The following RAB9B variants were observed in gnomAD, a reference collection of about 807,000 sequenced individuals.
The protein encoded by RAB9B is ras-related protein Rab-9B.
In RAB9B, 1 loss-of-function variant was observed where a neutral mutation model predicts 8.9. The ratio of observed to expected loss-of-function variants is 0.11; its 90% confidence interval spans 0.04 to 0.53. The LOEUF is 0.53. RAB9B is among the 20% of genes least tolerant of loss of function. The pLI, the probability that RAB9B is intolerant of heterozygous loss-of-function variation, is 0.93. For synonymous variants in RAB9B, 63 were observed against 57.0 expected (o/e 1.10, Z -0.47); for missense variants, 82 against 152.9 (o/e 0.54, Z 2.45).
At chrX:103,806,911 A>G in the RAB9B span, among the ~76,000 whole-genome samples, 1 of 111,959 alleles carries the variant, frequency 8.9e-6, no homozygotes, top group Non-Finnish European at 1.9e-5. Flanking sequence ...CTAAGATGGA[A>G]AAACATTGAC....
the RAB9B span, among the ~76,000 whole-genome samples, chrX:103,779,400 G>T: frequency 8.9e-6 from 1 of 111,807 alleles, no homozygotes; most frequent in Non-Finnish European, 1.9e-5. Context: ...CAGAGCGGGG[G>T]TCCAGTTTTA....
the RAB9B span, among the ~76,000 whole-genome samples, chrX:103,804,455 C>T: frequency 3.4e-4 from 38 of 111,799 alleles, no homozygotes; most frequent in African/African-American, 1.1e-3. Flanking sequence ...TATTCTTTTC[C>T]GAGTTTGTAT....
chrX:103,802,543 T>G, the RAB9B span, among the ~76,000 whole-genome samples: 2 of 111,896 alleles, frequency 1.8e-5, no homozygotes, highest in Non-Finnish European at 3.8e-5. Context: ...TAGCCTTTGC[T>G]TTACTGGGAA....
the RAB9B span, among the ~76,000 whole-genome samples, chrX:103,813,440 C>T: frequency 4.0e-5 from 4 of 100,435 alleles, no homozygotes; most frequent in South Asian, 1.8e-3. Flanking sequence ...AATGATATCA[C>T]AAGAACTGTT....
the RAB9B span, among the ~76,000 whole-genome samples, chrX:103,793,122 A>G: frequency 8.9e-6 from 1 of 112,304 alleles, no homozygotes; most frequent in East Asian, 2.8e-4. Flanking sequence ...TACTTAAAGG[A>G]CAGAGCAGGT....
At chrX:103,777,868 A>G in the RAB9B span, among the ~76,000 whole-genome samples, 1 of 112,748 alleles carries the variant, frequency 8.9e-6, no homozygotes, top group African/African-American at 3.2e-5. Flanking sequence ...CATTTGGCAA[A>G]ACAAAGATAG....
chrX:103,786,250 G>A, the RAB9B span: 61 of 1,128,391 alleles, frequency 5.4e-5, no homozygotes, highest in Non-Finnish European at 7.0e-5. Context: ...AGGTGTGGCG[G>A]GAGGGGCATA....
chrX:103,815,914 C>T, the RAB9B span, among the ~76,000 whole-genome samples: 1 of 111,450 alleles, frequency 9.0e-6, no homozygotes, highest in Non-Finnish European at 1.9e-5. Context: ...CAAACCACTG[C>T]TCAAGGAAAT....
At chrX:103,787,549 C>T in the RAB9B span, 3 of 432,647 alleles carry the variant, frequency 6.9e-6, no homozygotes, top group East Asian at 3.8e-5. Context: ...TGAAGCCTCT[C>T]TAACCCAGGG....
chrX:103,799,462 A>G, the RAB9B span, among the ~76,000 whole-genome samples: 1 of 111,789 alleles, frequency 8.9e-6, no homozygotes, highest in Non-Finnish European at 1.9e-5. Flanking sequence ...TAGTACAAAT[A>G]CTAGTTCAAA....
chrX:103,811,051 G>T, the RAB9B span, among the ~76,000 whole-genome samples: 1 of 111,574 alleles, frequency 9.0e-6, no homozygotes, highest in African/African-American at 3.3e-5. Context: ...ACCAAGGAGT[G>T]GAAGTCATAA....
the RAB9B span, among the ~76,000 whole-genome samples, chrX:103,784,172 G>A: frequency 9.0e-6 from 1 of 111,575 alleles, no homozygotes; most frequent in Non-Finnish European, 1.9e-5. Flanking sequence ...GTGACTTCTT[G>A]TGTGCCTCTC....
chrX:103,818,151 C>T (rs1419607922), downstream of RAB9B, among the ~76,000 whole-genome samples: 1 of 110,911 alleles, frequency 9.0e-6, no homozygotes, highest in East Asian at 2.8e-4. Flanking sequence ...ATGAATGTTC[C>T]CCAACCCCCA....
chrX:103,823,677 T>A lies in RAB9B; in HGVS notation c.*1502A>T, dbSNP rs914122533. 2 of 112,495 alleles carry A rather than the reference T, an allele frequency of 1.8e-5. No homozygotes were observed. Among genetic ancestry groups the A allele is most frequent in the East Asian group, 5.5e-4 (2 of 3,614 alleles). The allele number at this position is 112,495 out of a possible 1,213,427, so 9.3% of individuals were successfully genotyped here. A position where few individuals can be genotyped will look rare whatever the true frequency, so the allele number is the denominator to read the frequency against. ...CACTGCATATTCATAATATAGTATA[T>A]AACTGACAGTCATGGTAATCAAAAA... On this transcript the variant is annotated 3_prime_UTR_variant, in exon 3 of 3. Transcript: ENST00000243298.
the RAB9B span, among the ~76,000 whole-genome samples, chrX:103,778,101 T>C: frequency 8.9e-6 from 1 of 111,815 alleles, no homozygotes; most frequent in Admixed American, 9.5e-5. Flanking sequence ...AAAAATCAGA[T>C]TCAAATCCCA....
At chrX:103,827,485 C>T (rs1004565725) in intron 1 of RAB9B, among the ~76,000 whole-genome samples, 8 of 111,366 alleles carry the variant, frequency 7.2e-5, no homozygotes, top group Admixed American at 1.9e-4. Flanking sequence ...TACCTACCAA[C>T]GTTCCCATCT....
chrX:103,781,309 T>C, the RAB9B span: 2 of 327,638 alleles, frequency 6.1e-6, no homozygotes, highest in Admixed American at 3.1e-5. Flanking sequence ...TGGATCTGTG[T>C]AAGTCACATT....
At chrX:103,777,084 C>A in the RAB9B span, 1 of 818,348 alleles carries the variant, frequency 1.2e-6, no homozygotes, top group Non-Finnish European at 1.8e-6. Context: ...TTCGGGGGTT[C>A]CATGGTTTAA....
At chrX:103,796,510 C>T in the RAB9B span, among the ~76,000 whole-genome samples, 1 of 110,458 alleles carries the variant, frequency 9.1e-6, no homozygotes, top group Non-Finnish European at 1.9e-5. Context: ...TAAACTTGGC[C>T]CGGACTGTAA....
Sources: allele counts gnomAD v4.1 joint callset (sites outside exome capture counted in the v4.1 genomes callset), GRCh38; gene constraint gnomAD v4.1.1; transcripts MANE v1.5; gene names NCBI Gene and HGNC (gene_info 2026-07-23, HGNC 2026-07-21).